Variants in ATP8A2 observed in about 807,000 individuals in gnomAD.
The protein encoded by ATP8A2 is phospholipid-transporting ATPase IB.
Under a neutral mutation model 165.6 loss-of-function variants are expected in ATP8A2, and 100 were observed. The observed-to-expected ratio is 0.60, with a 90% CI of 0.51 to 0.71. ATP8A2 has a LOEUF of 0.71. ATP8A2 is among the 30% of genes least tolerant of loss of function. ATP8A2 has a pLI of 0.00. For missense variants in ATP8A2, 1,227 were observed against 1,479.5 expected, an observed-to-expected ratio of 0.83 and a Z score of 2.80; for synonymous variants, 543 against 548.8, an observed-to-expected ratio of 0.99 and a Z score of 0.15.
At chr13:25,771,396 A>G (rs1291202112) in intron 26 of ATP8A2, among the ~76,000 whole-genome samples, 3 of 152,230 alleles carry the variant, frequency 2.0e-5, no homozygotes, top group African/African-American at 7.2e-5. Context: ...ACACCCCAGC[A>G]TTATTAAATA....
chr13:25,373,841 A>C (rs2032516919), intron 1 of ATP8A2, among the ~76,000 whole-genome samples: 1 of 152,172 alleles, frequency 6.6e-6, no homozygotes, highest in Non-Finnish European at 1.5e-5. Context: ...GCAAGGCCAG[A>C]CATAGAGATT....
Position 25,558,969 on chromosome 13 carries a change from T to G in ATP8A2, c.1264-4T>G, listed in dbSNP as rs778806678. On this transcript the variant is annotated splice_polypyrimidine_tract_variant and splice_region_variant and intron_variant, in intron 13 of 36. Transcript: ENST00000381655. ...ATGTATATTTCTTTTATTCTTTGGT[T>G]TAGGTGAAATATCTCTTTTCTGACA... 2 of 1,586,270 alleles carry G rather than the reference T, an allele frequency of 1.3e-6. No individual in the cohort carries two copies. Among genetic ancestry groups the G allele is most frequent in the Non-Finnish European group, 1.7e-6 (2 of 1,159,970 alleles).
intron 24 of ATP8A2, among the ~76,000 whole-genome samples, chr13:25,682,116 A>G (rs2042501695): frequency 1.3e-5 from 2 of 152,116 alleles, no homozygotes; most frequent in Admixed American, 6.5e-5. Context: ...AAACACACCA[A>G]AAACCCCGTG....
At chr13:25,448,629 A>C (rs1280924083) in intron 1 of ATP8A2, among the ~76,000 whole-genome samples, 1 of 152,136 alleles carries the variant, frequency 6.6e-6, no homozygotes, top group East Asian at 1.9e-4. Flanking sequence ...AAGACAGAGG[A>C]TAATTTAATA....
chr13:25,614,039 T>A (rs1190733553), intron 24 of ATP8A2, among the ~76,000 whole-genome samples: 1 of 152,178 alleles, frequency 6.6e-6, no homozygotes, highest in Non-Finnish European at 1.5e-5. Context: ...TGCAGTGAAT[T>A]TCCCAGGTAT....
intron 27 of ATP8A2, among the ~76,000 whole-genome samples, chr13:25,804,741 G>A (rs1300732225): frequency 2.6e-5 from 4 of 152,234 alleles, no homozygotes; most frequent in South Asian, 2.1e-4. Flanking sequence ...TCTGGGTGCC[G>A]AGCTGCCACA....
chr13:25,774,665 AAGG>A (rs2044701024), intron 26 of ATP8A2, among the ~76,000 whole-genome samples, 181 bp from the exon 27 acceptor site: 6 of 152,196 alleles, frequency 3.9e-5, no homozygotes, highest in African/African-American at 1.4e-4. Context: ...TAGTTTCAAG[AAGG>A]ATTTTACTTG....
chr13:26,008,244 G>C (rs561638705), intron 35 of ATP8A2, among the ~76,000 whole-genome samples: 8 of 152,232 alleles, frequency 5.3e-5, no homozygotes, highest in African/African-American at 1.9e-4. Flanking sequence ...AAGTCTGAAA[G>C]ATTCTATAAA....
intron 2 of ATP8A2, among the ~76,000 whole-genome samples, chr13:25,477,655 G>A (rs368836295): frequency 1.3e-5 from 2 of 152,112 alleles, no homozygotes; most frequent in East Asian, 1.9e-4. Flanking sequence ...TACAGTTTTC[G>A]GCCAGGTGTG....
chr13:25,873,652 T>G (rs1952741212), intron 33 of ATP8A2, among the ~76,000 whole-genome samples: 1 of 151,538 alleles, frequency 6.6e-6, no homozygotes, highest in African/African-American at 2.4e-5. Flanking sequence ...TTTTTTTTTT[T>G]TTTTGAGATG....
chr13:25,910,795 G>A (rs1464397338), intron 33 of ATP8A2, among the ~76,000 whole-genome samples: 1 of 151,998 alleles, frequency 6.6e-6, no homozygotes, highest in Admixed American at 6.6e-5. Context: ...AAAGAATTGT[G>A]CCCTTTCAAA....
intron 33 of ATP8A2, among the ~76,000 whole-genome samples, chr13:25,941,657 G>A (rs184881367): frequency 2.0e-5 from 3 of 152,168 alleles, no homozygotes; most frequent in Admixed American, 1.3e-4. Context: ...TATAGTCCTG[G>A]CAGCAGCACA....
At chr13:25,718,814 G>A (rs765882756) in intron 25 of ATP8A2, among the ~76,000 whole-genome samples, 34 of 152,232 alleles carry the variant, frequency 2.2e-4, no homozygotes, top group Non-Finnish European at 4.4e-4. Context: ...TTTATTTAGT[G>A]ATAGATGAAA....
chr13:25,670,322 A>C (rs1360719499), intron 24 of ATP8A2, among the ~76,000 whole-genome samples: 1 of 152,200 alleles, frequency 6.6e-6, no homozygotes, highest in East Asian at 1.9e-4. Context: ...GCTGTTATTC[A>C]GGCAGCCTTT....
rs1055080409 is a variant in ATP8A2, at chr13:25,675,918, A to C, written c.2212-23255A>C. ...TATAGAAACCAAATTAACATAATTA[A>C]ATTATTTTTACAATCATATATTAAT... On this transcript the variant is annotated intron_variant, in intron 24 of 36. Coordinates refer to ENST00000381655, the MANE Select transcript of ATP8A2 (RefSeq NM_016529.6). 9.2e-5 allele frequency among the ~76,000 whole-genome samples: 14 copies of C among 152,348 alleles called. 1 individual carries two copies. The highest frequency in any genetic ancestry group is 4.6e-4 in the Admixed American group (7 of 15,302).
chr13:25,675,178 T>G (rs1399876448), intron 24 of ATP8A2, among the ~76,000 whole-genome samples: 6 of 152,228 alleles, frequency 3.9e-5, no homozygotes, highest in Non-Finnish European at 8.8e-5. Context: ...TAGTGCAGAA[T>G]TTTTGGAATG....
intron 24 of ATP8A2, chr13:25,649,111 C>T (rs76664219): frequency 0.031 from 14,246 of 460,392 alleles, 404 homozygotes; most frequent in East Asian, 0.12. Flanking sequence ...TGTTTGTGTA[C>T]TTGAGATAAC....
At chr13:25,744,262 C>T (rs750973105) in intron 25 of ATP8A2, among the ~76,000 whole-genome samples, 2 of 152,068 alleles carry the variant, frequency 1.3e-5, no homozygotes, top group African/African-American at 2.4e-5. Context: ...TCTTCTTTGG[C>T]GGCTGCTTCA....
chr13:25,796,057 C>T (rs1158862228), intron 27 of ATP8A2, among the ~76,000 whole-genome samples: 1 of 152,098 alleles, frequency 6.6e-6, no homozygotes, highest in African/African-American at 2.4e-5. Context: ...TCAAGCAATT[C>T]TCCTGCCTCT....
Sources: gnomAD v4.1 joint callset for allele counts (sites outside exome capture counted in the v4.1 genomes callset) on GRCh38, gnomAD v4.1.1 for gene constraint, MANE v1.5 for transcripts, NCBI Gene and HGNC (gene_info 2026-07-23, HGNC 2026-07-21) for gene names.